Variants in EDN1 observed in about 807,000 individuals in gnomAD.
EDN1 encodes endothelin 1.
A neutral mutation model predicts 21.7 loss-of-function variants in EDN1; 11 were observed. The observed-to-expected ratio is 0.51, with a 90% confidence interval of 0.32 to 0.84. EDN1 has a LOEUF of 0.84. EDN1 is among the 40% of genes least tolerant of loss of function. EDN1 has a pLI of 0.03. For missense variants in EDN1, 244 were observed against 262.3 expected, an observed-to-expected ratio of 0.93 and a Z score of 0.48; for synonymous variants, 85 against 90.6, an observed-to-expected ratio of 0.94 and a Z score of 0.35.
the EDN1 span, among the ~76,000 whole-genome samples, chr6:12,249,578 G>A: frequency 6.6e-6 from 1 of 151,152 alleles, no homozygotes; most frequent in Non-Finnish European, 1.5e-5. Context: ...GAAAGCAAGG[G>A]TGATCTGAGC....
chr6:12,294,109 A>C lies in EDN1; in HGVS notation c.389+13A>C, dbSNP rs374017499. ...GAAAAGAACTCAGGTGAGCAGAAAC[A>C]CCTTTGCTTTTCAATCAGTTTAACA... is the stretch of plus-strand genomic sequence containing the variant. On this transcript the variant is annotated intron_variant, in intron 3 of 4. Transcript: ENST00000379375. 3.1e-6 allele frequency: 5 copies of C among 1,614,098 alleles called. No individual in the cohort carries two copies. The East Asian group carries it at 6.7e-5, about 22-fold the overall frequency.
the EDN1 span, among the ~76,000 whole-genome samples, chr6:12,282,451 A>T: frequency 6.6e-6 from 1 of 152,232 alleles, no homozygotes; most frequent in South Asian, 2.1e-4. Context: ...TTGTAGCAAG[A>T]TTATGTGCTT....
chr6:12,272,147 T>G, the EDN1 span, among the ~76,000 whole-genome samples: 1 of 152,336 alleles, frequency 6.6e-6, no homozygotes, highest in Admixed American at 6.5e-5. Flanking sequence ...AATGTAAGGT[T>G]AAGGGAATCC....
chr6:12,243,635 C>T, the EDN1 span, among the ~76,000 whole-genome samples: 2 of 152,222 alleles, frequency 1.3e-5, no homozygotes, highest in South Asian at 4.1e-4. Flanking sequence ...TACATACATA[C>T]ATAAAATGAA....
chr6:12,295,924 T>C (rs184995071), intron 4 of EDN1, 38 bp from the exon 5 acceptor site: 2 of 1,600,196 alleles, frequency 1.2e-6, no homozygotes, highest in Non-Finnish European at 1.7e-6. Context: ...GTGATTTTTT[T>C]AAAATAACAT....
the EDN1 span, among the ~76,000 whole-genome samples, chr6:12,267,661 T>C: frequency 2.0e-5 from 3 of 152,324 alleles, no homozygotes; most frequent in Admixed American, 6.5e-5. Context: ...CAAGCGTTAA[T>C]GTAGAAGCTA....
At position 12,296,034 on chromosome 6, in the gene EDN1, G is replaced by C; in HGVS notation, c.606G>C (p.Glu202Asp). ...AGCTGAAAGGCAAGCCCTCCAGAGAGCGTTATGTGACCCACAACCGAGCAC... is the reference window on the plus strand; with the variant it reads ...AGCTGAAAGGCAAGCCCTCCAGAGACCGTTATGTGACCCACAACCGAGCAC... ...DPKLKGKPSR[E>D]RYVTHNRAHW The change falls in exon 5 of 5, where the codon GAG becomes GAC. Residue 202 changes from glutamate to aspartate, a missense_variant. Glu to Asp is a conservative substitution (Grantham distance 45, BLOSUM62 2). Coordinates refer to ENST00000379375, the MANE Select transcript of EDN1 (RefSeq NM_001955.5). 1 of 1,614,082 alleles carries C rather than the reference G, an allele frequency of 6.2e-7. No individual in the cohort carries two copies. The highest frequency in any genetic ancestry group is 8.5e-7 in the Non-Finnish European group (1 of 1,180,008).
chr6:12,236,991 T>A, the EDN1 span, among the ~76,000 whole-genome samples: 1 of 106,276 alleles, frequency 9.4e-6, no homozygotes, highest in Non-Finnish European at 1.8e-5. Flanking sequence ...CCACCCCACA[T>A]CAGGTACCGG....
At chr6:12,260,496 T>C in the EDN1 span, among the ~76,000 whole-genome samples, 1 of 152,206 alleles carries the variant, frequency 6.6e-6, no homozygotes, top group Non-Finnish European at 1.5e-5. Context: ...TTATCAGTTT[T>C]ATACCTTAGA....
the EDN1 span, among the ~76,000 whole-genome samples, chr6:12,270,021 A>G: frequency 6.6e-6 from 1 of 151,886 alleles, no homozygotes; most frequent in Non-Finnish European, 1.5e-5. Flanking sequence ...GTTTCTTCAT[A>G]ATTCAATTTT....
At chr6:12,279,749 T>G in the EDN1 span, among the ~76,000 whole-genome samples, 1 of 152,246 alleles carries the variant, frequency 6.6e-6, no homozygotes, top group Non-Finnish European at 1.5e-5. Flanking sequence ...ATCAGAACCT[T>G]AAATGAAACT....
At chr6:12,286,881 A>C (rs963703390), upstream of EDN1, among the ~76,000 whole-genome samples, 7 of 152,214 alleles carry the variant, frequency 4.6e-5, no homozygotes, top group African/African-American at 1.7e-4. Flanking sequence ...TGGGAGGCCA[A>C]GGTAAGAGGA....
chr6:12,231,975 C>A, the EDN1 span, among the ~76,000 whole-genome samples: 1 of 150,990 alleles, frequency 6.6e-6, no homozygotes, highest in African/African-American at 2.4e-5. Flanking sequence ...ACCATAAAGA[C>A]TTTTTTAGCA....
the EDN1 span, among the ~76,000 whole-genome samples, chr6:12,266,995 T>G: frequency 6.6e-6 from 1 of 152,218 alleles, no homozygotes; most frequent in East Asian, 1.9e-4. Flanking sequence ...AAGAAGAATT[T>G]AGGACAACAC....
the EDN1 span, among the ~76,000 whole-genome samples, chr6:12,252,764 C>T: frequency 6.6e-6 from 1 of 152,170 alleles, no homozygotes; most frequent in South Asian, 2.1e-4. Flanking sequence ...ATGCAGTGTT[C>T]ACTCCCTACT....
At chr6:12,247,885 T>C in the EDN1 span, among the ~76,000 whole-genome samples, 1 of 151,956 alleles carries the variant, frequency 6.6e-6, no homozygotes, top group South Asian at 2.1e-4. Flanking sequence ...CTGAGACAGA[T>C]CCCCCTAAAA....
chr6:12,275,571 A>G, the EDN1 span, among the ~76,000 whole-genome samples: 2 of 152,146 alleles, frequency 1.3e-5, no homozygotes, highest in Middle Eastern at 3.4e-3. Flanking sequence ...TTTGTAATAG[A>G]TTTCATGTAA....
the EDN1 span, among the ~76,000 whole-genome samples, chr6:12,244,860 A>G: frequency 2.0e-5 from 3 of 152,200 alleles, no homozygotes; most frequent in Admixed American, 6.5e-5. Context: ...TCTAACATTA[A>G]ATTACAAGAC....
chr6:12,285,900 T>C (rs528701211), upstream of EDN1, among the ~76,000 whole-genome samples: 7 of 152,360 alleles, frequency 4.6e-5, no homozygotes, highest in Admixed American at 6.5e-5. Context: ...TGTATAATGA[T>C]TAAATGTTTA....
Sources: gnomAD v4.1 joint callset for allele counts (sites outside exome capture counted in the v4.1 genomes callset) on GRCh38, gnomAD v4.1.1 for gene constraint, MANE v1.5 for transcripts, NCBI Gene and HGNC (gene_info 2026-07-23, HGNC 2026-07-21) for gene names.